PTK2: variants seen among roughly 807,000 people sequenced by gnomAD.
The protein encoded by PTK2 is protein tyrosine kinase 2, also known as focal adhesion kinase 1.
In PTK2, 45 loss-of-function variants were observed where a neutral mutation model predicts 150.1. The observed-to-expected ratio is 0.30, with a 90% CI of 0.24 to 0.38. The LOEUF (loss-of-function observed/expected upper bound fraction) is 0.38, where lower values mean the gene tolerates loss of function less well. PTK2 is among the 10% of genes least tolerant of loss of function. The pLI is 1.00. For synonymous variants in PTK2, 432 were observed against 449.2 expected (o/e 0.96, Z 0.48); for missense variants, 919 against 1,307.3 (o/e 0.70, Z 4.58).
intron 26 of PTK2, among the ~76,000 whole-genome samples, chr8:140,692,898 A>G (rs1267556161): frequency 6.6e-6 from 1 of 152,208 alleles, no homozygotes; most frequent in Non-Finnish European, 1.5e-5. Flanking sequence ...CTCGGCATTC[A>G]TCTTTCATTC....
At chr8:140,679,310 C>T (rs2100015772) in intron 27 of PTK2, among the ~76,000 whole-genome samples, 2 of 152,004 alleles carry the variant, frequency 1.3e-5, no homozygotes, top group African/African-American at 4.8e-5. Context: ...CAGGCGTGAG[C>T]CACCGCGCCT....
intron 4 of PTK2, among the ~76,000 whole-genome samples, chr8:140,878,461 G>T (rs528886178): frequency 7.2e-5 from 11 of 152,102 alleles, no homozygotes; most frequent in Admixed American, 3.3e-4. Context: ...TTAGCTGGGC[G>T]TGGCGGTCTG....
chr8:140,894,407 C>A (rs902279605), intron 2 of PTK2, among the ~76,000 whole-genome samples: 19 of 152,166 alleles, frequency 1.2e-4, no homozygotes, highest in African/African-American at 3.9e-4. Context: ...ATATACTTAA[C>A]AACAACATGA....
chr8:140,917,934 G>A (rs1395893233), intron 2 of PTK2, among the ~76,000 whole-genome samples: 1 of 152,192 alleles, frequency 6.6e-6, no homozygotes, highest in African/African-American at 2.4e-5. Context: ...AGTAATTTTT[G>A]CATTTTAATG....
intron 5 of PTK2, among the ~76,000 whole-genome samples, chr8:140,859,565 A>G (rs2100134821): frequency 6.6e-6 from 1 of 152,182 alleles, no homozygotes; most frequent in African/African-American, 2.4e-5. Flanking sequence ...AATATTAAAG[A>G]CTTTAAAGGT....
intron 2 of PTK2, among the ~76,000 whole-genome samples, chr8:140,901,804 T>TA (rs895021252): frequency 3.9e-5 from 6 of 152,184 alleles, no homozygotes; most frequent in African/African-American, 1.4e-4. Flanking sequence ...ATCCCTCCCC[T>TA]ACCCCCAACA....
chr8:140,933,585 C>G (rs1468644959), intron 1 of PTK2, among the ~76,000 whole-genome samples: 1 of 152,188 alleles, frequency 6.6e-6, no homozygotes, highest in Non-Finnish European at 1.5e-5. Flanking sequence ...GAATGAAGTA[C>G]TGATACATGC....
intron 1 of PTK2, chr8:140,934,510 T>G (rs2100172963): frequency 6.6e-6 from 1 of 152,202 alleles, no homozygotes; most frequent in Non-Finnish European, 1.5e-5. Flanking sequence ...TCATCCTTGA[T>G]TCCTTAACTT....
At chr8:140,907,077 C>T (rs1470445484) in intron 2 of PTK2, among the ~76,000 whole-genome samples, 2 of 152,176 alleles carry the variant, frequency 1.3e-5, no homozygotes, top group Non-Finnish European at 2.9e-5. Context: ...AAGACAGATG[C>T]TCAATCTGAT....
chr8:140,962,157 G>A (rs1188521689), intron 1 of PTK2, among the ~76,000 whole-genome samples: 1 of 150,482 alleles, frequency 6.6e-6, no homozygotes, highest in African/African-American at 2.4e-5. Context: ...GGAGGTGGAG[G>A]TTGTAGTGAG....
At chr8:140,799,103 G>C (rs1412994029) in intron 12 of PTK2, 1 of 152,212 alleles carries the variant, frequency 6.6e-6, no homozygotes, top group African/African-American at 2.4e-5. Context: ...ACTTAGCGAA[G>C]GCTCATGGCT....
chr8:140,805,542 C>T (rs567370024), intron 10 of PTK2, among the ~76,000 whole-genome samples: 5 of 148,462 alleles, frequency 3.4e-5, no homozygotes, highest in African/African-American at 1.2e-4. Flanking sequence ...CAGAGCAAAA[C>T]TCTGTCTCAA....
intron 16 of PTK2, among the ~76,000 whole-genome samples, chr8:140,759,820 C>T (rs1162884764): frequency 6.6e-6 from 1 of 151,602 alleles, no homozygotes; most frequent in Non-Finnish European, 1.5e-5. Flanking sequence ...TCCAGCCTGA[C>T]TGACAGAGCA....
At chr8:140,675,631 G>A (rs1411705728) in intron 27 of PTK2, 132 bp from the exon 31 acceptor site, 3 of 680,090 alleles carry the variant, frequency 4.4e-6, no homozygotes, top group East Asian at 5.5e-5. Flanking sequence ...AACAAAACAG[G>A]GTTCTGCATA....
Position 140,864,299 on chromosome 8 carries a change from C to T in PTK2, c.450+13G>A, listed in dbSNP as rs770731794. On this transcript the variant is annotated intron_variant, in intron 5 of 31. Transcript: ENST00000522684. ...AAACAAACAAAAAAGTATATGAAAG[C>T]AGTCTCTAATACCTGTTGATAGAAG... The T allele has an allele frequency of 7.0e-7, 1 of 1,420,684 alleles. No homozygotes were observed. Among genetic ancestry groups the T allele is most frequent in the South Asian group, 1.5e-5 (1 of 68,298 alleles). 88.0% of individuals were successfully genotyped at this position (1,420,684 alleles called of 1,614,324 possible).
intron 1 of PTK2, among the ~76,000 whole-genome samples, chr8:140,961,470 G>C (rs1230353470): frequency 1.3e-5 from 2 of 151,922 alleles, no homozygotes; most frequent in African/African-American, 4.8e-5. Flanking sequence ...GACCGTCCTG[G>C]CTAACACAGT....
chr8:140,702,768 A>T, intron 24 of PTK2, 61 bp from the exon 28 acceptor site: 1 of 1,538,752 alleles, frequency 6.5e-7, no homozygotes, highest in Non-Finnish European at 8.9e-7. Flanking sequence ...GTTCTGCTTC[A>T]CACACAAAGG....
At chr8:140,813,988 C>T (rs1566896461) in intron 10 of PTK2, among the ~76,000 whole-genome samples, 1 of 152,082 alleles carries the variant, frequency 6.6e-6, no homozygotes. Context: ...ACCAACCCCA[C>T]AGAAATACAA....
chr8:140,988,751 A>C (rs995351962), intron 1 of PTK2, among the ~76,000 whole-genome samples: 1 of 126,350 alleles, frequency 7.9e-6, no homozygotes, highest in Non-Finnish European at 1.7e-5. Context: ...AAAAAAAAAA[A>C]GACACACACG....
Sources: gnomAD v4.1 joint callset for allele counts (sites outside exome capture counted in the v4.1 genomes callset) on GRCh38, gnomAD v4.1.1 for gene constraint, MANE v1.5 for transcripts, NCBI Gene and HGNC (gene_info 2026-07-23, HGNC 2026-07-21) for gene names.